ESR1: variants seen among roughly 807,000 people sequenced by gnomAD.
ESR1 encodes estrogen receptor.
ESR1 carries 12 observed loss-of-function variants against 52.7 expected under a neutral mutation model. The ratio of observed to expected loss-of-function variants is 0.23; its 90% confidence interval spans 0.15 to 0.37. The LOEUF is 0.37. Ranked by LOEUF, ESR1 falls within the 10% of genes least tolerant of loss-of-function variation. The pLI is 1.00. For missense variants in ESR1, 584 were observed against 779.7 expected (o/e 0.75, Z 2.99); for synonymous variants, 305 against 316.8 (o/e 0.96, Z 0.39).
intron 5 of ESR1, among the ~76,000 whole-genome samples, chr6:152,036,866 A>G (rs1423913828): frequency 1.3e-5 from 2 of 152,306 alleles, no homozygotes; most frequent in East Asian, 3.9e-4. Context: ...ATGGGGAGGA[A>G]CCCTGTTTAC....
At chr6:151,931,609 C>A (rs1351221711) in intron 3 of ESR1, among the ~76,000 whole-genome samples, 3 of 127,324 alleles carry the variant, frequency 2.4e-5, no homozygotes, top group East Asian at 5.5e-4. Flanking sequence ...CCCCTCCCCC[C>A]ACCCCACAAC....
intron 2 of ESR1, among the ~76,000 whole-genome samples, chr6:151,760,397 A>G (rs1784582141): frequency 6.6e-6 from 1 of 152,262 alleles, no homozygotes; most frequent in South Asian, 2.1e-4. Context: ...GAAATAGAAT[A>G]TTAAATATCC....
upstream of ESR1, among the ~76,000 whole-genome samples, chr6:151,803,668 T>C (rs1341804579): frequency 2.6e-5 from 4 of 152,102 alleles, no homozygotes; most frequent in Non-Finnish European, 5.9e-5. Flanking sequence ...GGCAGAGTGG[T>C]CCTTAGGAGG....
chr6:152,075,301 G>A (rs2048653130), intron 6 of ESR1, among the ~76,000 whole-genome samples: 1 of 152,136 alleles, frequency 6.6e-6, no homozygotes, highest in Non-Finnish European at 1.5e-5. Flanking sequence ...CTCTCAAAAT[G>A]TTTTAAAGAC....
chr6:152,078,435 C>G (rs1209557930), intron 6 of ESR1, among the ~76,000 whole-genome samples: 1 of 152,202 alleles, frequency 6.6e-6, no homozygotes, highest in African/African-American at 2.4e-5. Flanking sequence ...GTTAGATACT[C>G]TTTTATATTT....
chr6:151,979,033 G>A (rs538037028), intron 4 of ESR1, among the ~76,000 whole-genome samples: 8 of 152,256 alleles, frequency 5.3e-5, no homozygotes, highest in South Asian at 2.1e-4. Context: ...TATGTAAGTC[G>A]GGAGGAGGAG....
At chr6:151,905,132 A>T (rs907964141) in intron 3 of ESR1, among the ~76,000 whole-genome samples, 2 of 152,196 alleles carry the variant, frequency 1.3e-5, no homozygotes, top group African/African-American at 4.8e-5. Context: ...CCAATGAACC[A>T]CCCAGGTTTT....
chr6:152,060,923 G>A (rs1375146970), intron 5 of ESR1, 68 bp from the exon 6 acceptor site: 3 of 1,326,264 alleles, frequency 2.3e-6, no homozygotes, highest in Non-Finnish European at 3.1e-6. Context: ...ACCCTTTCAT[G>A]TCTTGTGGAA....
At chr6:151,691,493 C>T (rs929506527) in intron 1 of ESR1, among the ~76,000 whole-genome samples, 4 of 152,180 alleles carry the variant, frequency 2.6e-5, no homozygotes, top group Admixed American at 6.5e-5. Context: ...TAGGAGCCAA[C>T]ATGATTAAAA....
chr6:151,742,137 T>TTCCATTTG (rs796899033), intron 2 of ESR1, among the ~76,000 whole-genome samples: 2 of 152,234 alleles, frequency 1.3e-5, no homozygotes, highest in Non-Finnish European at 1.5e-5. Flanking sequence ...CTGAATAATA[T>TTCCATTTG]TCCATTTGTC....
chr6:151,852,344 A>G lies in ESR1; in HGVS notation c.643+9557A>G, dbSNP rs186887819. 3.4e-3 allele frequency among the ~76,000 whole-genome samples: 513 copies of G among 152,346 alleles called. 1 individual carries two copies. Among genetic ancestry groups the G allele is most frequent in the Admixed American group, 5.8e-3 (89 of 15,300 alleles). ...TCTGAATACTTCTTGAAGGTTGCAC[A>G]TTATTAATAATGGAGAAATAACTCT... On this transcript the variant is annotated intron_variant, in intron 2 of 7. Transcript: ENST00000206249.
intron 1 of ESR1, among the ~76,000 whole-genome samples, chr6:151,823,544 C>T (rs1242745511): frequency 6.6e-6 from 1 of 152,034 alleles, no homozygotes; most frequent in African/African-American, 2.4e-5. Flanking sequence ...CATATGTATA[C>T]ATGTGCCATG....
At chr6:151,773,318 C>T (rs936842065) in intron 2 of ESR1, among the ~76,000 whole-genome samples, 2 of 152,198 alleles carry the variant, frequency 1.3e-5, no homozygotes, top group African/African-American at 2.4e-5. Flanking sequence ...TCAAACAGAA[C>T]CAACCCTGCC....
rs1451609958 is a variant in ESR1, at chr6:152,094,301, T to G, written c.1370-84T>G. ...TGTGCTGAGGAAGGGCACTGGCTCA[T>G]TGTTACATCCCATGAACACTCTGGG... is the stretch of plus-strand genomic sequence containing the variant. On this transcript the variant is annotated intron_variant, in intron 6 of 7. Coordinates refer to ENST00000206249, the MANE Select transcript of ESR1 (RefSeq NM_000125.4). This position sits in a 1 kb window ranked among gnomAD's most constrained non-coding sequence, Gnocchi z 4.6. 4.2e-6 allele frequency: 5 copies of G among 1,197,002 alleles called. No homozygotes were observed. Among genetic ancestry groups the G allele is most frequent in the Non-Finnish European group, 6.2e-6 (5 of 802,448 alleles). The allele number at this position is 1,197,002 out of a possible 1,614,324, so 74.1% of individuals were successfully genotyped here. A position where few individuals can be genotyped will look rare whatever the true frequency, so the allele number is the denominator to read the frequency against.
exon 1 of ESR1, chr6:151,690,529 A>T (rs1241242635): frequency 6.6e-6 from 1 of 152,206 alleles, no homozygotes; most frequent in Non-Finnish European, 1.5e-5. Flanking sequence ...ACCGACTCAG[A>T]ACGGATTTTA....
At chr6:152,040,391 G>A (rs1165655040) in intron 5 of ESR1, among the ~76,000 whole-genome samples, 1 of 152,146 alleles carries the variant, frequency 6.6e-6, no homozygotes, top group African/African-American at 2.4e-5. Context: ...CTCTGCTGAG[G>A]TCATCTTTTG....
intron 2 of ESR1, among the ~76,000 whole-genome samples, chr6:151,746,371 C>T (rs1281383057): frequency 1.3e-5 from 2 of 152,166 alleles, no homozygotes; most frequent in Non-Finnish European, 2.9e-5. Flanking sequence ...AAGATGGTAA[C>T]TTTAAATTGT....
Position 152,091,241 on chromosome 6 carries a change from A to G in ESR1, c.1370-3144A>G, listed in dbSNP as rs569875823. 3.3e-5 allele frequency among the ~76,000 whole-genome samples: 5 copies of G among 152,378 alleles called. No individual in the cohort carries two copies. In the South Asian group the frequency reaches 1.0e-3, roughly 32 times the overall value. On this transcript the variant is annotated intron_variant, in intron 6 of 7. Coordinates refer to ENST00000206249, the MANE Select transcript of ESR1 (RefSeq NM_000125.4). ...GCCCCTGAAGGGCAACAGGCAGCAC[A>G]CATGGACCACATTTTGCCAGAAAAG... is the stretch of plus-strand genomic sequence containing the variant.
chr6:151,679,950 T>G (rs1360203851), intron 1 of ESR1, among the ~76,000 whole-genome samples: 3 of 152,174 alleles, frequency 2.0e-5, no homozygotes, highest in Admixed American at 6.5e-5. Flanking sequence ...TCCCTACCCT[T>G]GTACTCCCCA....
Sources: allele counts gnomAD v4.1 joint callset (sites outside exome capture counted in the v4.1 genomes callset), GRCh38; gene constraint gnomAD v4.1.1; non-coding constraint Gnocchi (gnomAD v3.1); transcripts MANE v1.5; gene names NCBI Gene and HGNC (gene_info 2026-07-23, HGNC 2026-07-21).